The following RELN variants were observed in gnomAD, a reference collection of about 807,000 sequenced individuals.
RELN encodes the protein reelin.
RELN carries 108 observed loss-of-function variants against 427.6 expected under a neutral mutation model. The observed-to-expected ratio is 0.25, with a 90% confidence interval of 0.22 to 0.30. The LOEUF is 0.30. RELN is among the 10% of genes least tolerant of loss of function. The pLI, the probability that RELN is intolerant of heterozygous loss-of-function variation, is 1.00. For missense variants in RELN, 3,715 were observed against 4,302.8 expected, an observed-to-expected ratio of 0.86 and a Z score of 3.82; for synonymous variants, 1,524 against 1,513.4, an observed-to-expected ratio of 1.01 and a Z score of -0.16.
chr7:103,880,803 C>A (rs937154251), intron 2 of RELN, among the ~76,000 whole-genome samples: 1 of 152,176 alleles, frequency 6.6e-6, no homozygotes, highest in East Asian at 1.9e-4. Flanking sequence ...AGCAATCCTA[C>A]CACCTCAGCT....
intron 10 of RELN, among the ~76,000 whole-genome samples, chr7:103,697,491 T>A (rs769778955): frequency 1.3e-5 from 2 of 152,020 alleles, no homozygotes; most frequent in Non-Finnish European, 2.9e-5. Context: ...CCCCAGCAAA[T>A]CATAACCATC....
Position 103,652,635 on chromosome 7 carries a change from A to T in RELN, c.1679T>A (p.Val560Asp), listed in dbSNP as rs1307339557. 1 of 1,612,992 alleles carries T rather than the reference A, an allele frequency of 6.2e-7. No homozygotes were observed. The change falls in exon 14 of 65, where the codon GTC becomes GAC. Residue 560 changes from valine (V) to aspartate (D), a missense_variant. Physicochemically the swap from Val to Asp is radical, Grantham distance 152. Coordinates refer to ENST00000428762, the MANE Select transcript of RELN (RefSeq NM_005045.4). Reference protein sequence around the residue: ...RNVWAVDFFHVLPVLPSTMSH... With the variant: ...RNVWAVDFFHDLPVLPSTMSH... Reference sequence around the variant, plus strand: ...CATTGTAGAAGGGAGAACAGGCAAGACATGGAAAAAGTCTACAGCCCAGAC... The same window carrying T: ...CATTGTAGAAGGGAGAACAGGCAAGTCATGGAAAAAGTCTACAGCCCAGAC...
intron 31 of RELN, among the ~76,000 whole-genome samples, chr7:103,568,610 A>G (rs362807): frequency 3.9e-5 from 6 of 152,326 alleles, no homozygotes; most frequent in Admixed American, 3.9e-4. Context: ...AATGTGTGGC[A>G]TAAGCTCTAG....
chr7:103,919,091 A>G (rs1231925110), intron 1 of RELN, among the ~76,000 whole-genome samples: 2 of 151,682 alleles, frequency 1.3e-5, no homozygotes, highest in African/African-American at 4.9e-5. Context: ...TCCTCGTTTA[A>G]GCAGATGTGA....
intron 3 of RELN, among the ~76,000 whole-genome samples, chr7:103,784,246 C>T (rs760235491): frequency 3.3e-5 from 5 of 152,018 alleles, no homozygotes; most frequent in Non-Finnish European, 5.9e-5. Flanking sequence ...GTCAAAAGTT[C>T]CCAACTCACA....
At chr7:103,793,487 T>A (rs751360444) in intron 3 of RELN, among the ~76,000 whole-genome samples, 1 of 152,226 alleles carries the variant, frequency 6.6e-6, no homozygotes, top group African/African-American at 2.4e-5. Flanking sequence ...ATAATTAGAC[T>A]GACTCTTCTC....
At position 103,831,016 on chromosome 7, in the gene RELN, C is replaced by T. The variant is rs539006994; in HGVS notation, c.473+2521G>A. 2.0e-5 allele frequency among the ~76,000 whole-genome samples: 3 copies of T among 152,148 alleles called. No individual in the cohort carries two copies. In the South Asian group the frequency reaches 6.2e-4, roughly 32 times the overall value. The stretch of plus-strand genomic sequence containing the variant: ...AAGAAAACACTGTTTGAATCTAAGA[C>T]TTAAAATACCTAAGTTATTTCTCAG... On this transcript the variant is annotated intron_variant, in intron 3 of 64. Coordinates refer to ENST00000428762, the MANE Select transcript of RELN (RefSeq NM_005045.4).
Position 103,483,754 on chromosome 7 carries a change from C to G in RELN, c.10080G>C (p.Leu3360=). ...SGPHAVDKAV[L]LQYSVNNGIT... is the part of the protein sequence containing the mutation. ...TCCCGTTGTTGACGCTGTATTGCAG[C>G]AGCACTGCCTTGTCCACAGCGTGGG... The change falls in exon 62 of 65, where the codon CTG becomes CTC. Residue 3360 remains leucine (L), a synonymous_variant. Transcript: ENST00000428762. The G allele has an allele frequency of 6.2e-7, 1 of 1,614,142 alleles. No homozygotes were observed. Among genetic ancestry groups the G allele is most frequent in the Non-Finnish European group, 8.5e-7 (1 of 1,179,964 alleles).
chr7:103,558,020 A>G lies in RELN; in HGVS notation c.5559T>C (p.Asp1853=). 1.3e-6 allele frequency: 2 copies of G among 1,524,596 alleles called. No homozygotes were observed. Among genetic ancestry groups the G allele is most frequent in the Non-Finnish European group, 1.8e-6 (2 of 1,098,850 alleles). The allele number at this position is 1,524,596 out of a possible 1,614,324, so 94.4% of individuals were successfully genotyped here. ...GEGLRMLISR[D]LDCTNTMYVQ... ...CATACATTGTATTTGTACAATCTAG[A>G]TCTCTTGAAATAAGCATCCTTAGTC... The change falls in exon 37 of 65, where the codon GAT becomes GAC. Residue 1853 remains aspartate, a synonymous_variant. Transcript: ENST00000428762.
chr7:103,472,713 T>C lies in RELN; in HGVS notation c.*99A>G. 1.0e-6 allele frequency: 1 copy of C among 973,060 alleles called. No homozygotes were observed. The highest frequency in any genetic ancestry group is 1.6e-6 in the Non-Finnish European group (1 of 614,190). The allele number at this position is 973,060 out of a possible 1,614,324, so 60.3% of individuals were successfully genotyped here. On this transcript the variant is annotated 3_prime_UTR_variant, in exon 65 of 65. Transcript: ENST00000428762. ...GGGCTTTCAGGTAATCACCAAGTCC[T>C]TCACAGATATTTCCTGATATCAGAT...
In RELN at chr7:103,610,794, C is replaced by T; in HGVS notation, c.2909G>A (p.Ser970Asn). The T allele has an allele frequency of 6.2e-7, 1 of 1,602,378 alleles. No homozygotes were observed. The highest frequency in any genetic ancestry group is 2.2e-5 in the East Asian group (1 of 44,766). Reference protein sequence around the residue: ...WHLVQEECLPSMPSCQEFTSA... With the variant: ...WHLVQEECLPNMPSCQEFTSA... Reference sequence around the variant, plus strand: ...TGTAAATTCCTGACAACTTGGCATACTTGGAAGGCATTCCTGAAAGAAAGT... The same window carrying T: ...TGTAAATTCCTGACAACTTGGCATATTTGGAAGGCATTCCTGAAAGAAAGT... The change falls in exon 22 of 65, where the codon AGT becomes AAT. Residue 970 changes from serine to asparagine, a missense_variant. Physicochemically the swap from Ser to Asn is conservative, Grantham distance 46. Around this residue, in one of 4 missense-constraint regions of RELN, gnomAD observed 2,208 missense variants for 2,361.7 expected, o/e 0.93. Coordinates refer to ENST00000428762, the MANE Select transcript of RELN (RefSeq NM_005045.4).
rs1467607030 is a variant in RELN, at chr7:103,487,599, T to C, written c.9764-1183A>G. ...TGTTTACTAAAACACGTAGTGCTCA[T>C]GTCCGTATTTGCCGTGTAAAACTGT... On this transcript the variant is annotated intron_variant, in intron 60 of 64. Coordinates refer to ENST00000428762, the MANE Select transcript of RELN (RefSeq NM_005045.4). Among the ~76,000 whole-genome samples, 4 of 152,222 alleles carry C rather than the reference T, an allele frequency of 2.6e-5. No individual in the cohort carries two copies. The East Asian group carries it at 7.7e-4, about 29-fold the overall frequency.
At chr7:103,790,643 G>A (rs1272373701) in intron 3 of RELN, among the ~76,000 whole-genome samples, 3 of 152,080 alleles carry the variant, frequency 2.0e-5, no homozygotes, top group Non-Finnish European at 2.9e-5. Flanking sequence ...TGAGGGTAGT[G>A]CCCTGGTCAT....
At position 103,750,762 on chromosome 7, in the gene RELN, C is replaced by T. The variant is rs558754561; in HGVS notation, c.578-1258G>A. On this transcript the variant is annotated intron_variant, in intron 5 of 64. Transcript: ENST00000428762. ...GAACTTTTTTTCTCTTTCAGAACTG[C>T]ATAAGAGAATTTATCTATATAAGTA... is the stretch of plus-strand genomic sequence containing the variant. Among the ~76,000 whole-genome samples the T allele has an allele frequency of 9.9e-5, 15 of 152,218 alleles. No homozygotes were observed. The South Asian group carries it at 3.1e-3, about 32-fold the overall frequency.
At chr7:103,820,506 G>A (rs1440778470) in intron 3 of RELN, among the ~76,000 whole-genome samples, 2 of 151,012 alleles carry the variant, frequency 1.3e-5, no homozygotes, top group East Asian at 3.9e-4. Flanking sequence ...AATATCCTAT[G>A]TGAGTATGTG....
intron 36 of RELN, among the ~76,000 whole-genome samples, chr7:103,560,220 A>G (rs1830613491): frequency 6.6e-6 from 1 of 152,190 alleles, no homozygotes; most frequent in African/African-American, 2.4e-5. Context: ...TTTTGCAACA[A>G]ACAAGCTATT....
intron 2 of RELN, among the ~76,000 whole-genome samples, chr7:103,914,836 C>A (rs1366260627): frequency 6.6e-6 from 1 of 152,146 alleles, no homozygotes; most frequent in African/African-American, 2.4e-5. Context: ...GGACACCTTA[C>A]ACGCCTTGCC....
At chr7:103,648,148 G>C (rs1832835819) in intron 16 of RELN, among the ~76,000 whole-genome samples, 1 of 152,038 alleles carries the variant, frequency 6.6e-6, no homozygotes, top group Admixed American at 6.6e-5. Flanking sequence ...CAAATCTCAT[G>C]TCAAATTGTA....
At position 103,482,935 on chromosome 7, in the gene RELN, C is replaced by G; in HGVS notation, c.10218G>C (p.Trp3406Cys). 2 of 1,614,150 alleles carry G rather than the reference C, an allele frequency of 1.2e-6. No individual in the cohort carries two copies. Among genetic ancestry groups the G allele is most frequent in the Non-Finnish European group, 1.7e-6 (2 of 1,180,012 alleles). ...GACCTGTTCCATTGTGGCGTGGTTG[C>G]CACCAGCGCAGTAAGACTCCTTTCA... ...ARMKGVLLRW[W>C]QPRHNGTGHD... The change falls in exon 63 of 65, where the codon TGG becomes TGC. Residue 3406 changes from tryptophan to cysteine, a missense_variant. Trp to Cys is a radical substitution (Grantham distance 215). Around this residue, in one of 4 missense-constraint regions of RELN, gnomAD observed 195 missense variants for 281.3 expected, o/e 0.69. Coordinates refer to ENST00000428762, the MANE Select transcript of RELN (RefSeq NM_005045.4).
Sources: gnomAD v4.1 joint callset for allele counts (sites outside exome capture counted in the v4.1 genomes callset) on GRCh38, gnomAD v4.1.1 for gene constraint, gnomAD v4.1.1 regional missense constraint, MANE v1.5 for transcripts, NCBI Gene and HGNC (gene_info 2026-07-23, HGNC 2026-07-21) for gene names.